DAAM2: variants seen among roughly 807,000 people sequenced by gnomAD.
The protein encoded by DAAM2 is dishevelled associated activator of morphogenesis 2.
Under a neutral mutation model 120.7 loss-of-function variants are expected in DAAM2, and 39 were observed. That is an observed-to-expected ratio of 0.32 (90% CI 0.25 to 0.42). The LOEUF (loss-of-function observed/expected upper bound fraction) is 0.42, where lower values mean the gene tolerates loss of function less well. Ranked by LOEUF, DAAM2 falls within the 10% of genes least tolerant of loss-of-function variation. The pLI is 1.00. For synonymous variants in DAAM2, 488 were observed against 524.9 expected (o/e 0.93, Z 0.96); for missense variants, 1,283 against 1,401.7 (o/e 0.92, Z 1.35).
intron 1 of DAAM2, among the ~76,000 whole-genome samples, chr6:39,801,652 G>T (rs1324641430): frequency 6.6e-6 from 1 of 152,228 alleles, no homozygotes; most frequent in African/African-American, 2.4e-5. Context: ...AGCACAGGCG[G>T]TCTTTGGTGC....
At chr6:39,862,836 A>AAAAT (rs1764271270) in intron 3 of DAAM2, 1 of 116,114 alleles carries the variant, frequency 8.6e-6, no homozygotes, top group Non-Finnish European at 1.8e-5. Context: ...AAAAAAAAAA[A>AAAAT]GATTTATTAA....
intron 1 of DAAM2, among the ~76,000 whole-genome samples, chr6:39,793,923 T>G (rs1761623580): frequency 6.6e-6 from 1 of 152,116 alleles, no homozygotes; most frequent in African/African-American, 2.4e-5. Context: ...GGAGGAAGAT[T>G]ACTGGACTCT....
At chr6:39,843,241 T>C (rs1050654591) in intron 1 of DAAM2, among the ~76,000 whole-genome samples, 1 of 152,102 alleles carries the variant, frequency 6.6e-6, no homozygotes, top group Non-Finnish European at 1.5e-5. Flanking sequence ...TTCAGTCCCT[T>C]GAGCAATGGT....
chr6:39,806,103 A>C (rs1762003163), intron 1 of DAAM2, among the ~76,000 whole-genome samples: 1 of 152,178 alleles, frequency 6.6e-6, no homozygotes, highest in Non-Finnish European at 1.5e-5. Context: ...ATGAGTCCTC[A>C]AGGTACTCAG....
chr6:39,870,273 C>A, intron 7 of DAAM2, 67 bp from the exon 8 acceptor site: 1 of 958,172 alleles, frequency 1.0e-6, no homozygotes, highest in Non-Finnish European at 1.6e-6. Flanking sequence ...GTGATGAGGG[C>A]TCCACTGGGG....
At chr6:39,843,138 T>G (rs1763417569) in intron 1 of DAAM2, among the ~76,000 whole-genome samples, 1 of 152,214 alleles carries the variant, frequency 6.6e-6, no homozygotes, top group African/African-American at 2.4e-5. Context: ...GCAATTCATT[T>G]AATCCTTTAG....
rs1002513797 is a variant in DAAM2 at position 39,840,397 on chromosome 6, A to C, written c.-56-15850A>C. 6.6e-5 allele frequency among the ~76,000 whole-genome samples: 10 copies of C among 152,350 alleles called. No individual in the cohort carries two copies. The East Asian group carries it at 1.7e-3, about 26-fold the overall frequency. On this transcript the variant is annotated intron_variant, in intron 1 of 24. Coordinates refer to ENST00000274867, the MANE Select transcript of DAAM2 (RefSeq NM_001201427.2). ...CCACATTTCGGAGTTTCTTGTGAGA[A>C]TTAAGTGAGATAGTACATATAAAAT... is the stretch of plus-strand genomic sequence containing the variant.
At chr6:39,814,331 A>G (rs1255502100) in intron 1 of DAAM2, among the ~76,000 whole-genome samples, 1 of 152,120 alleles carries the variant, frequency 6.6e-6, no homozygotes, top group Non-Finnish European at 1.5e-5. Flanking sequence ...GATGAAGAGC[A>G]TCTAAACCTC....
At chr6:39,868,148 A>G (rs1052261523) in intron 6 of DAAM2, 3 of 380,802 alleles carry the variant, frequency 7.9e-6, no homozygotes, top group East Asian at 5.0e-5. Flanking sequence ...TGCATCTCCA[A>G]CCTCAACACC....
chr6:39,887,663 A>T, intron 16 of DAAM2, 71 bp downstream of exon 16: 1 of 1,027,560 alleles, frequency 9.7e-7, no homozygotes, highest in East Asian at 2.6e-5. Flanking sequence ...GAGTGGTGGC[A>T]GTCTCGGGCC....
intron 1 of DAAM2, chr6:39,823,060 G>A (rs1439711499): frequency 6.6e-6 from 1 of 152,174 alleles, no homozygotes; most frequent in Non-Finnish European, 1.5e-5. Flanking sequence ...TCATCTGAAT[G>A]ACCACCATAT....
At position 39,878,090 on chromosome 6, in the gene DAAM2, G is replaced by A; in HGVS notation, c.1302-113G>A. 2 of 1,081,668 alleles carry A rather than the reference G, an allele frequency of 1.8e-6. No homozygotes were observed. The highest frequency in any genetic ancestry group is 2.5e-5 in the East Asian group (1 of 40,600). 67.0% of individuals were successfully genotyped at this position (1,081,668 alleles called of 1,614,324 possible). On this transcript the variant is annotated intron_variant, in intron 11 of 24. Transcript: ENST00000274867. The surrounding 1 kb of genome is among the most constrained non-coding windows in gnomAD (Gnocchi z 5.0). ...AAATCCTAGCCCCCTTGATGTGGCT[G>A]GACAGATTGGAGACCAGGGTCCCCA...
At chr6:39,889,519 G>A (rs1223228926) in intron 17 of DAAM2, among the ~76,000 whole-genome samples, 2 of 152,122 alleles carry the variant, frequency 1.3e-5, no homozygotes, top group East Asian at 1.9e-4. Flanking sequence ...ACATATACCC[G>A]CCCTATTGCC....
At chr6:39,815,400 T>G (rs1318020042) in intron 1 of DAAM2, among the ~76,000 whole-genome samples, 1 of 152,208 alleles carries the variant, frequency 6.6e-6, no homozygotes, top group African/African-American at 2.4e-5. Context: ...ACTCATTGTA[T>G]GGGTGTCCCT....
Position 39,901,526 on chromosome 6 carries a change from G to C in DAAM2, c.2982+54G>C, listed in dbSNP as rs1766483886. 1.9e-6 allele frequency: 3 copies of C among 1,556,250 alleles called. No homozygotes were observed. In the East Asian group the frequency reaches 6.7e-5, roughly 35 times the overall value. On this transcript the variant is annotated intron_variant, in intron 24 of 24. Transcript: ENST00000274867. The surrounding 1 kb of genome is among the most constrained non-coding windows in gnomAD (Gnocchi z 4.5). ...AGGGGAGACGGGTGCTACTTGGGGA[G>C]AACACCCCCAAACTGGGGTGTGTGG...
At chr6:39,883,670 C>G (rs1765238039) in intron 14 of DAAM2, 2 of 335,384 alleles carry the variant, frequency 6.0e-6, no homozygotes, top group African/African-American at 4.1e-5. Context: ...AAGTGGACCC[C>G]CTTTCCTACT....
chr6:39,893,242 T>C (rs943316918), intron 19 of DAAM2, among the ~76,000 whole-genome samples: 3 of 152,132 alleles, frequency 2.0e-5, no homozygotes, highest in Non-Finnish European at 4.4e-5. Flanking sequence ...GGAGGCTGGG[T>C]GCGGTGGCTG....
intron 1 of DAAM2, among the ~76,000 whole-genome samples, chr6:39,806,137 G>A (rs1762003893): frequency 6.6e-6 from 1 of 152,200 alleles, no homozygotes; most frequent in African/African-American, 2.4e-5. Context: ...GAAGGATCTA[G>A]AAGTGAAGAT....
rs1357548107 is a variant in DAAM2 at position 39,811,822 on chromosome 6, G to C, written c.-57+19357G>C. 4.6e-5 allele frequency among the ~76,000 whole-genome samples: 7 copies of C among 152,118 alleles called. No individual in the cohort carries two copies. The East Asian group carries it at 1.3e-3, about 29-fold the overall frequency. On this transcript the variant is annotated intron_variant, in intron 1 of 24. Transcript: ENST00000274867. ...GAACTCAGCCCCTGGCTTTCTCCAG[G>C]ATGGCTTGAGAACTCATGGAGCTCC...
Sources: allele counts gnomAD v4.1 joint callset (sites outside exome capture counted in the v4.1 genomes callset), GRCh38; gene constraint gnomAD v4.1.1; non-coding constraint Gnocchi (gnomAD v3.1); transcripts MANE v1.5; gene names NCBI Gene and HGNC (gene_info 2026-07-23, HGNC 2026-07-21).